The following RBFOX2 variants were observed in gnomAD, a reference collection of about 807,000 sequenced individuals.
The protein encoded by RBFOX2 is RNA binding fox-1 homolog 2.
In RBFOX2, 10 loss-of-function variants were observed where a neutral mutation model predicts 49.1. The observed-to-expected ratio is 0.20, with a 90% CI of 0.13 to 0.35. The LOEUF is 0.35. RBFOX2 is among the 10% of genes least tolerant of loss of function. The probability of loss-of-function intolerance (pLI) is 1.00; values close to 1 mark genes in which losing one functional copy is unlikely to be tolerated. For synonymous variants in RBFOX2, 183 were observed against 187.4 expected, an observed-to-expected ratio of 0.98 and a Z score of 0.19; for missense variants, 323 against 486.9, an observed-to-expected ratio of 0.66 and a Z score of 3.17.
chr22:35,806,390 T>C (rs1279502066), intron 2 of RBFOX2, among the ~76,000 whole-genome samples: 4 of 152,132 alleles, frequency 2.6e-5, no homozygotes, highest in Non-Finnish European at 4.4e-5. Context: ...ATAATATGTA[T>C]GACAATAGCA....
upstream of RBFOX2, among the ~76,000 whole-genome samples, chr22:35,943,854 G>A (rs919931703): frequency 6.6e-6 from 1 of 152,148 alleles, no homozygotes; most frequent in Non-Finnish European, 1.5e-5. Flanking sequence ...GCAGTGAGCC[G>A]AGATCGCGCC....
At chr22:35,897,874 G>A in intron 1 of RBFOX2, 1 of 731,628 alleles carries the variant, frequency 1.4e-6, no homozygotes, top group Admixed American at 1.8e-5. Context: ...ATATCTAGAA[G>A]AGCTTTTAAT....
At chr22:35,942,471 T>C (rs1264036127), upstream of RBFOX2, among the ~76,000 whole-genome samples, 1 of 151,852 alleles carries the variant, frequency 6.6e-6, no homozygotes, top group African/African-American at 2.4e-5. Context: ...AGTGAAAAAC[T>C]AGGAAAAAAA....
exon 12 of RBFOX2, chr22:35,739,244 G>C (rs1829594096): frequency 6.6e-6 from 1 of 152,536 alleles, no homozygotes. Flanking sequence ...TTGCATGTAG[G>C]GATGGTCCGG....
chr22:36,017,943 A>G (rs1435815578), intron 1 of RBFOX2, among the ~76,000 whole-genome samples: 3 of 152,234 alleles, frequency 2.0e-5, no homozygotes, highest in Non-Finnish European at 2.9e-5. Context: ...TTTAACCCTG[A>G]TATCAATGAA....
chr22:35,967,816 C>T lies in RBFOX2; in HGVS notation c.187-28919G>A, dbSNP rs183440507. ...CACATCTAAAATCCGTACCATTTAC[C>T]ACTTTTCTTAAGAGTACAAGAAAGA... On this transcript the variant is annotated intron_variant, in intron 1 of 13. Transcript: ENST00000438146. Among the ~76,000 whole-genome samples, 254 of 152,242 alleles carry T rather than the reference C, an allele frequency of 1.7e-3. 6 individuals carry two copies. The highest frequency in any genetic ancestry group is 0.015 in the Admixed American group (223 of 15,292).
intron 1 of RBFOX2, among the ~76,000 whole-genome samples, chr22:35,866,144 A>G (rs200378109): frequency 1.3e-5 from 2 of 152,244 alleles, no homozygotes; most frequent in East Asian, 3.8e-4. Flanking sequence ...AAAACCTGCC[A>G]TCAATCAAAA....
In RBFOX2 at chr22:35,869,522, A is replaced by G. The variant is rs558446560; in HGVS notation, c.-33-59518T>C. Among the ~76,000 whole-genome samples, 3 of 147,886 alleles carry G rather than the reference A, an allele frequency of 2.0e-5. No homozygotes were observed. The South Asian group carries it at 6.4e-4, about 31-fold the overall frequency. On this transcript the variant is annotated intron_variant, in intron 1 of 13. Coordinates refer to the RBFOX2 transcript ENST00000359369. ...AAAAAAAAATGTAGACAGGGTCTCA[A>G]TATGTTGTCCAAGCTTGTCTGGAAC...
At chr22:35,790,017 T>C (rs1267389204) in intron 2 of RBFOX2, among the ~76,000 whole-genome samples, 1 of 152,186 alleles carries the variant, frequency 6.6e-6, no homozygotes, top group African/African-American at 2.4e-5. Context: ...CAAGTCAGGT[T>C]CTTCAAAAAA....
At chr22:35,771,452 C>T (rs75968953) in intron 4 of RBFOX2, among the ~76,000 whole-genome samples, 2,258 of 152,224 alleles carry the variant, frequency 0.015, 52 homozygotes, top group African/African-American at 0.052. Flanking sequence ...GAACCCAACA[C>T]GTTGATTTTA....
At chr22:35,796,383 C>T (rs1336560736) in intron 2 of RBFOX2, among the ~76,000 whole-genome samples, 2 of 152,056 alleles carry the variant, frequency 1.3e-5, no homozygotes, top group African/African-American at 2.4e-5. Flanking sequence ...TTTTCCAAAA[C>T]GTAATAAATT....
chr22:35,850,745 A>G (rs1400837124), intron 1 of RBFOX2, among the ~76,000 whole-genome samples: 1 of 152,206 alleles, frequency 6.6e-6, no homozygotes, highest in Admixed American at 6.5e-5. Context: ...CAATAGGTTC[A>G]AGAGTTGGCT....
At chr22:35,845,371 A>G (rs2041049213), upstream of RBFOX2, among the ~76,000 whole-genome samples, 3 of 151,954 alleles carry the variant, frequency 2.0e-5, no homozygotes, top group Admixed American at 2.0e-4. Context: ...GGCAGAGTTC[A>G]GTCATATAGA....
intron 1 of RBFOX2, among the ~76,000 whole-genome samples, chr22:35,907,419 C>T (rs906692458): frequency 5.9e-5 from 9 of 152,152 alleles, no homozygotes; most frequent in African/African-American, 2.2e-4. Flanking sequence ...ATCATCTAGG[C>T]CCATCCTACA....
At position 36,025,362 on chromosome 22, in the gene RBFOX2, G is replaced by A. The variant is rs73885461; in HGVS notation, c.186+2878C>T. 7.7e-3 allele frequency among the ~76,000 whole-genome samples: 1,166 copies of A among 152,116 alleles called. 16 individuals carry two copies. The highest frequency in any genetic ancestry group is 0.027 in the African/African-American group (1,116 of 41,492). ...AGGCCATCTATCTTAAAGCCCTTCC[G>A]TAACCATCTTCATTCTCTCCCTTTC... On this transcript the variant is annotated intron_variant, in intron 1 of 13. Coordinates refer to the RBFOX2 transcript ENST00000438146.
intron 2 of RBFOX2, among the ~76,000 whole-genome samples, chr22:35,802,318 G>A (rs1603160822): frequency 6.6e-6 from 1 of 152,212 alleles, no homozygotes; most frequent in South Asian, 2.1e-4. Context: ...ATTCAGGGAA[G>A]AGACTTCTGG....
intron 1 of RBFOX2, among the ~76,000 whole-genome samples, chr22:35,981,019 A>C (rs973203233): frequency 6.6e-6 from 1 of 152,216 alleles, no homozygotes; most frequent in Non-Finnish European, 1.5e-5. Context: ...AAAGATAGCA[A>C]GTGATTCCAT....
At chr22:35,752,370 C>T (rs982815190) in intron 9 of RBFOX2, among the ~76,000 whole-genome samples, 6 of 152,144 alleles carry the variant, frequency 3.9e-5, no homozygotes, top group African/African-American at 7.2e-5. Context: ...TATTACACAC[C>T]TGGCTGGGAT....
intron 1 of RBFOX2, among the ~76,000 whole-genome samples, chr22:35,884,621 C>G (rs1399469170): frequency 6.6e-6 from 1 of 152,134 alleles, no homozygotes; most frequent in African/African-American, 2.4e-5. Context: ...GGCAAGCACC[C>G]AAGATAAAAG....
Sources: gnomAD v4.1 joint callset for allele counts (sites outside exome capture counted in the v4.1 genomes callset) on GRCh38, gnomAD v4.1.1 for gene constraint, MANE v1.5 for transcripts, NCBI Gene and HGNC (gene_info 2026-07-23, HGNC 2026-07-21) for gene names.